The following GRID2 variants were observed in gnomAD, a reference collection of about 807,000 sequenced individuals.
GRID2 encodes glutamate ionotropic receptor delta type subunit 2, also known as glutamate receptor ionotropic, delta-2.
A neutral mutation model predicts 114.8 loss-of-function variants in GRID2; 33 were observed. The ratio of observed to expected loss-of-function variants is 0.29; its 90% CI spans 0.22 to 0.38. The LOEUF is 0.38. Ranked by LOEUF, GRID2 falls within the 10% of genes least tolerant of loss-of-function variation. The pLI is 1.00. For missense variants in GRID2, 1,184 were observed against 1,257.7 expected, an observed-to-expected ratio of 0.94 and a Z score of 0.89; for synonymous variants, 505 against 449.9, an observed-to-expected ratio of 1.12 and a Z score of -1.55.
chr4:93,594,348 C>G (rs1193643044), intron 13 of GRID2, among the ~76,000 whole-genome samples: 1 of 152,192 alleles, frequency 6.6e-6, no homozygotes, highest in Non-Finnish European at 1.5e-5. Flanking sequence ...TGGAGGGTGC[C>G]TCCCAGTTAG....
At chr4:93,537,870 T>G (rs1158443240) in intron 13 of GRID2, among the ~76,000 whole-genome samples, 1 of 151,804 alleles carries the variant, frequency 6.6e-6, no homozygotes, top group African/African-American at 2.4e-5. Flanking sequence ...ATTTTTTCCT[T>G]TTGTTATATA....
In GRID2 at chr4:93,395,612, T is replaced by G. The variant is rs1385405; in HGVS notation, c.1251T>G (p.Gly417=). The change falls in exon 9 of 16, where the codon GGT becomes GGG. Residue 417 remains glycine (G), a synonymous_variant. Coordinates refer to ENST00000282020, the MANE Select transcript of GRID2 (RefSeq NM_001510.4). ...EELGRGVRKL[G]CWNPVTGLNG... ...AAAGTTGTCTTATCTTTCAGCTTGGTTGCTGGAATCCTGTCACAGGTCTGA... is the reference window on the plus strand; with the variant it reads ...AAAGTTGTCTTATCTTTCAGCTTGGGTGCTGGAATCCTGTCACAGGTCTGA... 950,225 of 1,474,840 alleles carry G rather than the reference T, an allele frequency of 0.64. 311,739 individuals are homozygous for G. Among genetic ancestry groups the G allele is most frequent in the African/African-American group, 0.93 (66,309 of 71,580 alleles). The allele number at this position is 1,474,840 out of a possible 1,614,324, so 91.4% of individuals were successfully genotyped here.
At chr4:92,570,458 G>A (rs541023669) in intron 1 of GRID2, among the ~76,000 whole-genome samples, 2 of 152,106 alleles carry the variant, frequency 1.3e-5, no homozygotes, top group South Asian at 2.1e-4. Flanking sequence ...GGCTCCATAA[G>A]AATTTTAGAA....
chr4:93,339,468 A>G (rs1759423877), intron 8 of GRID2, among the ~76,000 whole-genome samples: 1 of 152,058 alleles, frequency 6.6e-6, no homozygotes, highest in South Asian at 2.1e-4. Flanking sequence ...TTGCCAGCCA[A>G]CCACCAAAAG....
At chr4:92,659,907 G>A (rs986651513) in intron 2 of GRID2, among the ~76,000 whole-genome samples, 4 of 151,308 alleles carry the variant, frequency 2.6e-5, no homozygotes, top group Admixed American at 6.6e-5. Flanking sequence ...CTCGGATAAC[G>A]TGCAATAAAA....
At chr4:93,635,118 A>G (rs1721295006) in intron 14 of GRID2, among the ~76,000 whole-genome samples, 1 of 151,954 alleles carries the variant, frequency 6.6e-6, no homozygotes, top group Non-Finnish European at 1.5e-5. Context: ...TCACAGTAAC[A>G]TATTCCTATT....
At chr4:93,459,999 G>A (rs1269393191) in intron 11 of GRID2, among the ~76,000 whole-genome samples, 1 of 152,034 alleles carries the variant, frequency 6.6e-6, no homozygotes, top group Non-Finnish European at 1.5e-5. Context: ...AGAAAGATTA[G>A]CCTAGATTGT....
chr4:93,771,992 A>G (rs1213184502), intron 15 of GRID2, 84 bp from the exon 16 acceptor site: 1 of 766,494 alleles, frequency 1.3e-6, no homozygotes, highest in African/African-American at 1.7e-5. Context: ...TCAGTTAATT[A>G]CATGTTTGCT....
At chr4:93,021,420 A>G (rs1196326959) in intron 2 of GRID2, among the ~76,000 whole-genome samples, 1 of 150,036 alleles carries the variant, frequency 6.7e-6, no homozygotes, top group Non-Finnish European at 1.5e-5. Context: ...ACATATTTCT[A>G]TTATAAAAAT....
At chr4:92,942,297 T>C (rs529476005) in intron 2 of GRID2, among the ~76,000 whole-genome samples, 6 of 152,216 alleles carry the variant, frequency 3.9e-5, no homozygotes, top group Non-Finnish European at 8.8e-5. Context: ...CTCTTCTTGT[T>C]GAATTGATCC....
intron 1 of GRID2, among the ~76,000 whole-genome samples, chr4:92,548,714 A>T (rs1264051473): frequency 2.0e-5 from 3 of 151,958 alleles, no homozygotes; most frequent in African/African-American, 7.3e-5. Flanking sequence ...ATTTCTAAAG[A>T]AAAGAAGTTT....
At chr4:92,537,784 GGT>G (rs70942907) in intron 1 of GRID2, among the ~76,000 whole-genome samples, 12,552 of 125,722 alleles carry the variant, frequency 0.1, 526 homozygotes, top group African/African-American at 0.14. Context: ...AAAAACTTGC[GGT>G]GTGTGTGTGT....
chr4:93,099,290 ATCCCT>A (rs1731498996), intron 3 of GRID2, among the ~76,000 whole-genome samples: 1 of 151,884 alleles, frequency 6.6e-6, no homozygotes, highest in South Asian at 2.1e-4. Context: ...TTATTTTAAA[ATCCCT>A]TTTAGAACAT....
At chr4:93,068,047 G>A (rs572068857) in intron 2 of GRID2, among the ~76,000 whole-genome samples, 92 of 151,950 alleles carry the variant, frequency 6.1e-4, no homozygotes, top group Middle Eastern at 3.4e-3. Context: ...ATTCATTTGG[G>A]CATATCCTTA....
chr4:93,657,723 A>G (rs1239041246), intron 14 of GRID2, among the ~76,000 whole-genome samples: 1 of 151,996 alleles, frequency 6.6e-6, no homozygotes, highest in Non-Finnish European at 1.5e-5. Context: ...CACTAGTTCT[A>G]TTTGTTCGTT....
intron 14 of GRID2, among the ~76,000 whole-genome samples, chr4:93,766,428 G>C (rs998198800): frequency 6.6e-6 from 1 of 152,066 alleles, no homozygotes; most frequent in Non-Finnish European, 1.5e-5. Context: ...TCACAAGAAC[G>C]GCATGAGGGA....
chr4:93,265,098 T>A (rs1322783419), intron 8 of GRID2, among the ~76,000 whole-genome samples: 1 of 152,072 alleles, frequency 6.6e-6, no homozygotes, highest in African/African-American at 2.4e-5. Flanking sequence ...ATAATTTTTT[T>A]ATAAAATTAA....
intron 2 of GRID2, among the ~76,000 whole-genome samples, chr4:92,918,077 A>G (rs1321977824): frequency 6.6e-6 from 1 of 152,018 alleles, no homozygotes; most frequent in East Asian, 1.9e-4. Context: ...ATCCCTTGTA[A>G]GTTGGTTTCC....
chr4:93,766,333 T>A (rs986294535), intron 14 of GRID2, among the ~76,000 whole-genome samples: 18 of 152,144 alleles, frequency 1.2e-4, no homozygotes, highest in Non-Finnish European at 2.9e-5. Flanking sequence ...GGAAGGCACC[T>A]CTTCACAAGG....
Sources: allele counts gnomAD v4.1 joint callset (sites outside exome capture counted in the v4.1 genomes callset), GRCh38; gene constraint gnomAD v4.1.1; transcripts MANE v1.5; gene names NCBI Gene and HGNC (gene_info 2026-07-23, HGNC 2026-07-21).